GAL3ST3: variants seen among roughly 807,000 people sequenced by gnomAD.
The protein encoded by GAL3ST3 is galactose-3-O-sulfotransferase 3.
In GAL3ST3, 21 loss-of-function variants were observed where a neutral mutation model predicts 20.8. The observed-to-expected ratio is 1.01, with a 90% CI of 0.72 to 1.45. The LOEUF (loss-of-function observed/expected upper bound fraction) is 1.45. Among genes scored for constraint, GAL3ST3 ranks in the 40% most tolerant of loss-of-function variants. The probability of loss-of-function intolerance (pLI) is 0.00; values close to 1 mark genes in which losing one functional copy is unlikely to be tolerated. For synonymous variants in GAL3ST3, 355 were observed against 307.2 expected, an observed-to-expected ratio of 1.16 and a Z score of -1.63; for missense variants, 739 against 662.7, an observed-to-expected ratio of 1.12 and a Z score of -1.26.
At position 66,046,492 on chromosome 11, in the gene GAL3ST3, C is replaced by T. The variant is rs577034368; in HGVS notation, c.-112-965G>A. On this transcript the variant is annotated intron_variant, in intron 1 of 2. Coordinates refer to ENST00000312006, the MANE Select transcript of GAL3ST3 (RefSeq NM_033036.3). ...GTGCCTGACCAAAGCAATGAGATGG[C>T]AGCCTGGGCGGGGTGTGGGTTGGGT... 5.9e-5 allele frequency among the ~76,000 whole-genome samples: 9 copies of T among 152,320 alleles called. No homozygotes were observed. In the East Asian group the frequency reaches 1.7e-3, roughly 29 times the overall value.
chr11:66,045,418 C>A lies in GAL3ST3; in HGVS notation c.-3G>T, dbSNP rs769762100. 1 of 1,596,850 alleles carries A rather than the reference C, an allele frequency of 6.3e-7. No homozygotes were observed. The highest frequency in any genetic ancestry group is 1.1e-5 in the South Asian group (1 of 88,142). Reference sequence around the variant, plus strand: ...AGGCGCTGGAGGATGGGTGGCATGGCGGAGTACCCACCCCTGGACCAGCCA... The same window carrying A: ...AGGCGCTGGAGGATGGGTGGCATGGAGGAGTACCCACCCCTGGACCAGCCA... On this transcript the variant is annotated 5_prime_UTR_variant, in exon 2 of 3. Transcript: ENST00000312006.
intron 1 of GAL3ST3, among the ~76,000 whole-genome samples, chr11:66,047,560 G>A (rs1038073875): frequency 6.6e-6 from 1 of 152,184 alleles, no homozygotes; most frequent in Non-Finnish European, 1.5e-5. Context: ...CTTAGGGACA[G>A]GGGACAGGGC....
chr11:66,046,395 G>A (rs2135022652), intron 1 of GAL3ST3, among the ~76,000 whole-genome samples: 1 of 152,320 alleles, frequency 6.6e-6, no homozygotes, highest in Middle Eastern at 3.4e-3. Flanking sequence ...TGAAATCCTG[G>A]AGCCCTATCT....
chr11:66,045,953 CAGAGAAACCGAGCTCCTCGGAA>C (rs1454823237), intron 1 of GAL3ST3, among the ~76,000 whole-genome samples: 1 of 152,250 alleles, frequency 6.6e-6, no homozygotes, highest in Non-Finnish European at 1.5e-5. Context: ...CCTGACTCCC[CAGAGAAACCGAGCTCCTCGGAA>C]ACACTGATCA....
Position 66,043,557 on chromosome 11 carries a change from G to C in GAL3ST3, c.246C>G (p.Ile82Met). ...HKTAGTTVQN[I>M]LFRFAERHNL... ...TGTGGCGCTCGGCAAAGCGAAACAG[G>C]ATGTTCTGCACCGTCGTGCCTGCCG... The change falls in exon 3 of 3, where the codon ATC (isoleucine) becomes ATG (methionine). Residue 82 changes from isoleucine (I) to methionine (M), a missense_variant. By Grantham distance (10) the Ile-to-Met change is conservative. Transcript: ENST00000312006. 2.5e-6 allele frequency: 4 copies of C among 1,612,012 alleles called. No individual in the cohort carries two copies. The highest frequency in any genetic ancestry group is 3.4e-6 in the Non-Finnish European group (4 of 1,179,922).
In GAL3ST3 at chr11:66,043,323, C is replaced by G. The variant is rs1856740122; in HGVS notation, c.480G>C (p.Ser160=). The G allele has an allele frequency of 6.2e-7, 1 of 1,612,216 alleles. No individual in the cohort carries two copies. Among genetic ancestry groups the G allele is most frequent in the Non-Finnish European group, 8.5e-7 (1 of 1,179,232 alleles). ...ILREPAAMFE[S]LFSYYNQYCP... Reference sequence around the variant, plus strand: ...AGTACTGGTTGTAGTAGCTGAAGAGCGACTCGAACATGGCGGCCGGCTCGC... The same window carrying G: ...AGTACTGGTTGTAGTAGCTGAAGAGGGACTCGAACATGGCGGCCGGCTCGC... The change falls in exon 3 of 3, where the codon TCG becomes TCC. Residue 160 remains serine (S), a synonymous_variant. Transcript: ENST00000312006.
rs972246169 is a variant in GAL3ST3 at position 66,042,866 on chromosome 11, C to G, written c.937G>C (p.Gly313Arg). The G allele has an allele frequency of 1.7e-6, 2 of 1,166,212 alleles. No homozygotes were observed. Among genetic ancestry groups the G allele is most frequent in the African/African-American group, 1.7e-5 (1 of 58,846 alleles). The allele number at this position is 1,166,212 out of a possible 1,614,324, so 72.2% of individuals were successfully genotyped here. The change falls in exon 3 of 3, where the codon GGC (glycine) becomes CGC (arginine). Residue 313 changes from glycine to arginine, a missense_variant. Coordinates refer to ENST00000312006, the MANE Select transcript of GAL3ST3 (RefSeq NM_033036.3). The part of the protein sequence containing the change: ...ATFWRHVARA[G>R]RACVEREARE... ...GCCTCGCGCTCCACGCACGCGCGGC[C>G]CGCGCGCGCCACGTGGCGCCAGAAG...
rs1856752757 is a variant in GAL3ST3, at chr11:66,043,863, A to C, written c.126-186T>G. ...CTATGATCCCTGCTGCCCTCCTGGTATTCATGCCCTTGAGTATTCCCCTCA... is the reference window on the plus strand; with the variant it reads ...CTATGATCCCTGCTGCCCTCCTGGTCTTCATGCCCTTGAGTATTCCCCTCA... On this transcript the variant is annotated intron_variant, in intron 2 of 2. Transcript: ENST00000312006. Among the ~76,000 whole-genome samples, 4 of 152,302 alleles carry C rather than the reference A, an allele frequency of 2.6e-5. No homozygotes were observed. In the South Asian group the frequency reaches 8.3e-4, roughly 32 times the overall value.
intron 2 of GAL3ST3, chr11:66,045,076 G>C: frequency 2.5e-6 from 1 of 402,596 alleles, no homozygotes; most frequent in Non-Finnish European, 4.4e-6. Flanking sequence ...GTGGGGAGTT[G>C]AGCTGGATTC....
In GAL3ST3 at chr11:66,043,804, C is replaced by T. The variant is rs149647157; in HGVS notation, c.126-127G>A. The T allele has an allele frequency of 1.1e-4, 92 of 800,308 alleles. No individual in the cohort carries two copies. The East Asian group carries it at 1.5e-3, about 13-fold the overall frequency. The allele number at this position is 800,308 out of a possible 1,614,324, so 49.6% of individuals were successfully genotyped here. On this transcript the variant is annotated intron_variant, in intron 2 of 2. Coordinates refer to ENST00000312006, the MANE Select transcript of GAL3ST3 (RefSeq NM_033036.3). Reference sequence around the variant, plus strand: ...GCCTGGGCTGCACTCATGGAAAGGTCGAGGGCGGTGCTTGGTAGCCTCTAA... The same window carrying T: ...GCCTGGGCTGCACTCATGGAAAGGTTGAGGGCGGTGCTTGGTAGCCTCTAA...
In GAL3ST3 at chr11:66,042,921, G is replaced by C; in HGVS notation, c.882C>G (p.Asp294Glu). 8.1e-7 allele frequency: 1 copy of C among 1,232,928 alleles called. No individual in the cohort carries two copies. Among genetic ancestry groups the C allele is most frequent in the South Asian group, 1.8e-5 (1 of 56,582 alleles). The allele number at this position is 1,232,928 out of a possible 1,614,324, so 76.4% of individuals were successfully genotyped here. A position where few individuals can be genotyped will look rare whatever the true frequency, so the allele number is the denominator to read the frequency against. Residue 294 changes from aspartate (D) to glutamate (E), a missense_variant, in exon 3 of 3, where the codon GAC becomes GAG. Asp to Glu is a conservative substitution (Grantham distance 45). Coordinates refer to ENST00000312006, the MANE Select transcript of GAL3ST3 (RefSeq NM_033036.3). ...CGTTGAAGTGGTCGTAGAGGCCGGC[G>C]TCCAGGGCGTTCCAGGTGCGCGCCG... is the stretch of plus-strand genomic sequence containing the variant. ...ARAARTWNAL[D>E]AGLYDHFNAT...
At chr11:66,047,661 C>T (rs1177694790) in intron 1 of GAL3ST3, among the ~76,000 whole-genome samples, 1 of 152,200 alleles carries the variant, frequency 6.6e-6, no homozygotes, top group Non-Finnish European at 1.5e-5. Flanking sequence ...TGTTCATCAC[C>T]TCCTGATACA....
At position 66,043,615 on chromosome 11, in the gene GAL3ST3, T is replaced by A. The variant is rs888259135; in HGVS notation, c.188A>T (p.His63Leu). 1.2e-6 allele frequency: 2 copies of A among 1,612,502 alleles called. No individual in the cohort carries two copies. The highest frequency in any genetic ancestry group is 1.7e-6 in the Non-Finnish European group (2 of 1,179,644). ...PLRNSPPRPK[H>L]MTVAFLKTHK... ...AGTCTTCAGGAAGGCCACAGTCATG[T>A]GCTTGGGGCGCGGCGGCGAGTTCCG... is the stretch of plus-strand genomic sequence containing the variant. The change falls in exon 3 of 3, where the codon CAC becomes CTC. Residue 63 changes from histidine (H) to leucine (L), a missense_variant. Physicochemically the swap from His to Leu is moderately conservative, Grantham distance 99. Coordinates refer to ENST00000312006, the MANE Select transcript of GAL3ST3 (RefSeq NM_033036.3).
Position 66,042,383 on chromosome 11 carries a change from T to G in GAL3ST3, c.*124A>C. ...TCAGATAGGGAGGCGTACCCCAAAG[T>G]TCAGCGAGGGACTCAAGCCCCTTGA... is the stretch of plus-strand genomic sequence containing the variant. On this transcript the variant is annotated 3_prime_UTR_variant, in exon 3 of 3. Transcript: ENST00000312006. 3 of 754,996 alleles carry G rather than the reference T, an allele frequency of 4.0e-6. No homozygotes were observed. The highest frequency in any genetic ancestry group is 6.0e-6 in the Non-Finnish European group (3 of 504,060). 46.8% of individuals were successfully genotyped at this position (754,996 alleles called of 1,614,324 possible).
Position 66,042,400 on chromosome 11 carries a change from G to T in GAL3ST3, c.*107C>A. 2.3e-6 allele frequency: 2 copies of T among 858,136 alleles called. No homozygotes were observed. The highest frequency in any genetic ancestry group is 3.4e-6 in the Non-Finnish European group (2 of 592,064). The allele number at this position is 858,136 out of a possible 1,614,324, so 53.2% of individuals were successfully genotyped here. A position where few individuals can be genotyped will look rare whatever the true frequency, so the allele number is the denominator to read the frequency against. On this transcript the variant is annotated 3_prime_UTR_variant, in exon 3 of 3. Coordinates refer to ENST00000312006, the MANE Select transcript of GAL3ST3 (RefSeq NM_033036.3). ...CCCCAAAGTTCAGCGAGGGACTCAA[G>T]CCCCTTGAAAAGAAAGGGCTCTCAT...
chr11:66,044,754 C>G (rs1040311137), intron 2 of GAL3ST3, among the ~76,000 whole-genome samples: 9 of 152,164 alleles, frequency 5.9e-5, no homozygotes, highest in Non-Finnish European at 1.3e-4. Context: ...GATTTCAAAC[C>G]AAATTATCTG....
chr11:66,045,252 G>A, intron 2 of GAL3ST3, 39 bp downstream of exon 2: 2 of 1,462,898 alleles, frequency 1.4e-6, no homozygotes, highest in Non-Finnish European at 1.8e-6. Flanking sequence ...GAAGAATGGG[G>A]AGGGGAGCTC....
rs1432285735 is a variant in GAL3ST3 at position 66,041,096 on chromosome 11, C to T, written c.*1411G>A. On this transcript the variant is annotated 3_prime_UTR_variant, in exon 3 of 3. Transcript: ENST00000312006. ...TTTTTTATTTGAATGGCACTACAGA[C>T]AGCACTTGTGAGCACAAACTCTGAA... Among the ~76,000 whole-genome samples the T allele has an allele frequency of 1.3e-5, 2 of 152,162 alleles. No homozygotes were observed. Among genetic ancestry groups the T allele is most frequent in the Non-Finnish European group, 2.9e-5 (2 of 68,042 alleles).
In GAL3ST3 at chr11:66,047,237, C is replaced by G. The variant is rs181817421; in HGVS notation, c.-112-1710G>C. Among the ~76,000 whole-genome samples the G allele has an allele frequency of 3.2e-4, 48 of 152,122 alleles. 1 individual carries two copies. Among genetic ancestry groups the G allele is most frequent in the African/African-American group, 1.1e-3 (46 of 41,466 alleles). On this transcript the variant is annotated intron_variant, in intron 1 of 2. Coordinates refer to ENST00000312006, the MANE Select transcript of GAL3ST3 (RefSeq NM_033036.3). ...GCCCTTGGCCCTCTAAGGATACACA[C>G]CTTTTTCCTCTGTCACTCCTGCTGC...
Sources: allele counts gnomAD v4.1 joint callset (sites outside exome capture counted in the v4.1 genomes callset), GRCh38; gene constraint gnomAD v4.1.1; transcripts MANE v1.5; gene names NCBI Gene and HGNC (gene_info 2026-07-23, HGNC 2026-07-21).